RNF213: variants seen among roughly 807,000 people sequenced by gnomAD.
The protein encoded by RNF213 is ring finger protein 213.
Under a neutral mutation model 514.4 loss-of-function variants are expected in RNF213, and 341 were observed. The observed-to-expected ratio is 0.66, with a 90% CI of 0.61 to 0.73. RNF213 has a LOEUF of 0.73. Among genes scored for constraint, RNF213 ranks in the 30% least tolerant of loss-of-function variants. The pLI is 0.00. For missense variants in RNF213, 5,767 were observed against 6,615.6 expected (o/e 0.87, Z 4.45); for synonymous variants, 2,655 against 2,658.2 (o/e 1.00, Z 0.04).
At position 80,347,909 on chromosome 17, in the gene RNF213, T is replaced by C. The variant is rs1054146669; in HGVS notation, c.9574T>C (p.Cys3192Arg). 2 of 1,614,172 alleles carry C rather than the reference T, an allele frequency of 1.2e-6. No individual in the cohort carries two copies. Among genetic ancestry groups the C allele is most frequent in the Non-Finnish European group, 1.7e-6 (2 of 1,180,004 alleles). ...KWQKSIVEEL[C>R]AWVEKFINVK... ...GCAGAAGAGCATCGTGGAGGAGCTCTGTGCGTGGGTGGAGAAGTTCATCAA... is the reference window on the plus strand; with the variant it reads ...GCAGAAGAGCATCGTGGAGGAGCTCCGTGCGTGGGTGGAGAAGTTCATCAA... The change falls in exon 29 of 68, where the codon TGT becomes CGT. Residue 3192 changes from cysteine to arginine, a missense_variant. Cys to Arg is a radical substitution (Grantham distance 180). Coordinates refer to ENST00000582970, the MANE Select transcript of RNF213 (RefSeq NM_001256071.3). This position sits in a 1 kb window ranked among gnomAD's most constrained non-coding sequence, Gnocchi z 7.2.
In RNF213 at chr17:80,337,725, AG is replaced by A. The variant is rs1330820095; in HGVS notation, c.4668+1del. 1 of 1,537,290 alleles carries A rather than the reference AG, an allele frequency of 6.5e-7. No individual in the cohort carries two copies. The highest frequency in any genetic ancestry group is 2.4e-5 in the East Asian group (1 of 40,920). On this transcript the variant is annotated frameshift_variant and splice_region_variant, in exon 24 of 68. Coordinates refer to ENST00000582970, the MANE Select transcript of RNF213 (RefSeq NM_001256071.3). LOFTEE classifies it high-confidence loss of function. ...ATCCAGGCGCCCAAAGGTGGCCAAA[AG>A]GTGAGCGGTCCCCAGCCCTCGGCGC... ...YVIQAPKGGQKISPDTVLHLI... is the reference protein window; with the variant it reads ...YVIQAPKGGQXISPDTVLHLI...
intron 9 of RNF213, 141 bp from the exon 10 acceptor site, chr17:80,295,416 G>C (rs1274440008): frequency 9.3e-7 from 1 of 1,072,222 alleles, no homozygotes; most frequent in Non-Finnish European, 1.4e-6. Context: ...CTGCACTGCA[G>C]CTCCTCCTGT....
chr17:80,263,492 A>C lies in RNF213; in HGVS notation c.-108-82A>C. 1 of 584,908 alleles carries C rather than the reference A, an allele frequency of 1.7e-6. No individual in the cohort carries two copies. The allele number at this position is 584,908 out of a possible 1,614,324, so 36.2% of individuals were successfully genotyped here. ...GCCAAGGGGGCAGCACAGAGCGGGG[A>C]GGGGCTGGGCTTGGGCTGTGCTCCT... On this transcript the variant is annotated intron_variant, in intron 1 of 67. Transcript: ENST00000582970. The surrounding 1 kb of genome is among the most constrained non-coding windows in gnomAD (Gnocchi z 4.9).
chr17:80,381,038 C>G, intron 56 of RNF213, 51 bp downstream of exon 56: 1 of 1,596,524 alleles, frequency 6.3e-7, no homozygotes, highest in Non-Finnish European at 8.6e-7. Flanking sequence ...CCTGCTTTCG[C>G]TTCTTCCCAG....
In RNF213 at chr17:80,395,057, A is replaced by G. The variant is rs2080623792; in HGVS notation, c.*1559A>G. 1 of 151,804 alleles carries G rather than the reference A, an allele frequency of 6.6e-6. No homozygotes were observed. Among genetic ancestry groups the G allele is most frequent in the South Asian group, 2.1e-4 (1 of 4,802 alleles). 9.4% of individuals were successfully genotyped at this position (151,804 alleles called of 1,614,324 possible). On this transcript the variant is annotated 3_prime_UTR_variant, in exon 68 of 68. Transcript: ENST00000582970. ...CCAGACTCACTGGCCACACCTCAGCAGGGGGGGAGTCGAGTGTCAGTCTCT... is the reference window on the plus strand; with the variant it reads ...CCAGACTCACTGGCCACACCTCAGCGGGGGGGGAGTCGAGTGTCAGTCTCT...
rs1243531008 is a variant in RNF213, at chr17:80,397,879, G to A, written c.*4381G>A. ...TGCCCTGTGGAGCATCCCTGTGGAG[G>A]ACTCCAGCCAGCTTGAGCGACATGG... On this transcript the variant is annotated 3_prime_UTR_variant, in exon 68 of 68. Coordinates refer to ENST00000582970, the MANE Select transcript of RNF213 (RefSeq NM_001256071.3). 3 of 147,666 alleles carry A rather than the reference G, an allele frequency of 2.0e-5. No homozygotes were observed. The East Asian group carries it at 6.0e-4, about 30-fold the overall frequency. The allele number at this position is 147,666 out of a possible 1,614,324, so 9.1% of individuals were successfully genotyped here.
chr17:80,340,609 GTTTTTTTTTTTTTTTTTTTT>G (rs747785477), intron 26 of RNF213: 2 of 121,938 alleles, frequency 1.6e-5, no homozygotes, highest in African/African-American at 1.2e-4. Flanking sequence ...GTACTTTGTG[GTTTTTTTTTTTTTTTTTTTT>G]TTTTTTTTTG....
chr17:80,384,326 G>A (rs573616031), intron 59 of RNF213, among the ~76,000 whole-genome samples: 28 of 152,328 alleles, frequency 1.8e-4, no homozygotes, highest in African/African-American at 6.0e-4. Context: ...GCATCGAGGC[G>A]TACGTGGAAG....
At chr17:80,349,020 C>A (rs7224493) in intron 29 of RNF213, among the ~76,000 whole-genome samples, 1 of 152,014 alleles carries the variant, frequency 6.6e-6, no homozygotes, top group East Asian at 1.9e-4. Flanking sequence ...CCGCTGGAAC[C>A]GTACAAAGGA....
In RNF213 at chr17:80,288,948, G is replaced by A. The variant is rs925242879; in HGVS notation, c.933+193G>A. ...AACCGACTTCAGCGGTGAGAAGAGC[G>A]TGGAGGGAGGGAGAGAGGGCACCCA... On this transcript the variant is annotated intron_variant, in intron 5 of 67. Coordinates refer to ENST00000582970, the MANE Select transcript of RNF213 (RefSeq NM_001256071.3). The surrounding 1 kb of genome is among the most constrained non-coding windows in gnomAD (Gnocchi z 4.9). Among the ~76,000 whole-genome samples, 4 of 152,250 alleles carry A rather than the reference G, an allele frequency of 2.6e-5. No homozygotes were observed. The highest frequency in any genetic ancestry group is 9.6e-5 in the African/African-American group (4 of 41,470).
chr17:80,304,810 C>T (rs1006398721), intron 11 of RNF213, among the ~76,000 whole-genome samples: 1 of 152,148 alleles, frequency 6.6e-6, no homozygotes, highest in Non-Finnish European at 1.5e-5. Flanking sequence ...CCGTCAGCAC[C>T]ATCCACCTCC....
At chr17:80,388,970 C>G (rs184653933) in intron 64 of RNF213, 2 of 627,800 alleles carry the variant, frequency 3.2e-6, no homozygotes, top group Non-Finnish European at 5.7e-6. Context: ...TCCTGCTCTC[C>G]GCATGCGGGT....
At chr17:80,338,587 C>T (rs1038102660) in intron 25 of RNF213, among the ~76,000 whole-genome samples, 7 of 151,676 alleles carry the variant, frequency 4.6e-5, no homozygotes, top group Admixed American at 3.9e-4. Context: ...AGTTCATGAC[C>T]AGCCTGGGCA....
At chr17:80,295,232 C>A (rs1239765806) in intron 9 of RNF213, among the ~76,000 whole-genome samples, 5 of 152,212 alleles carry the variant, frequency 3.3e-5, no homozygotes, top group Non-Finnish European at 7.3e-5. Context: ...CTGAGTCCTC[C>A]CCTGGCCTTG....
Position 80,353,007 on chromosome 17 carries a change from G to T in RNF213, c.10371G>T (p.Arg3457Ser), listed in dbSNP as rs775844219. 1.2e-6 allele frequency: 2 copies of T among 1,613,790 alleles called. No homozygotes were observed. The highest frequency in any genetic ancestry group is 1.7e-6 in the Non-Finnish European group (2 of 1,180,036). ...RSTLMVSDVT[R>S]LQHVTISQLF... The stretch of plus-strand genomic sequence containing the variant: ...CCCTCATGGTTTCTGATGTGACCAG[G>T]CTGCAGCATGTCACCATCAGCCAGC... The change falls in exon 33 of 68, where the codon AGG (arginine) becomes AGT (serine). Residue 3457 changes from arginine (R) to serine (S), a missense_variant. Physicochemically the swap from Arg to Ser is moderately radical, Grantham distance 110 (BLOSUM62 -1). This residue lies in a region of RNF213 where 919 missense variants were observed against 1,121.0 expected (regional missense o/e 0.82). Transcript: ENST00000582970. This position sits in a 1 kb window ranked among gnomAD's most constrained non-coding sequence, Gnocchi z 5.0.
At chr17:80,276,896 C>CA (rs202223629) in intron 3 of RNF213, among the ~76,000 whole-genome samples, 1,788 of 144,604 alleles carry the variant, frequency 0.012, 27 homozygotes, top group African/African-American at 0.042. Context: ...ACTAAAAATA[C>CA]AAAAAAAAAA....
chr17:80,298,677 A>G (rs1407261074), intron 11 of RNF213, 159 bp downstream of exon 11: 6 of 819,536 alleles, frequency 7.3e-6, no homozygotes, highest in Middle Eastern at 3.1e-4. Context: ...AAAACTGTCA[A>G]GAATAGGCTG....
At position 80,363,099 on chromosome 17, in the gene RNF213, C is replaced by T. The variant is rs373736060; in HGVS notation, c.11356-3C>T. 5.6e-6 allele frequency: 9 copies of T among 1,613,258 alleles called. No individual in the cohort carries two copies. Among genetic ancestry groups the T allele is most frequent in the Non-Finnish European group, 7.6e-6 (9 of 1,179,294 alleles). On this transcript the variant is annotated splice_region_variant and splice_polypyrimidine_tract_variant and intron_variant, in intron 39 of 67. Coordinates refer to ENST00000582970, the MANE Select transcript of RNF213 (RefSeq NM_001256071.3). ...ATATTCTAAAAGCTTTTTTGAATCC[C>T]AGTTTCTGCAGATGGCTCTGTGGTC...
At chr17:80,301,512 A>G (rs1037966387) in intron 11 of RNF213, among the ~76,000 whole-genome samples, 2 of 152,244 alleles carry the variant, frequency 1.3e-5, no homozygotes, top group African/African-American at 4.8e-5. Flanking sequence ...TCTAAAAAGA[A>G]GACACACAAA....
Sources: gnomAD v4.1 joint callset for allele counts (sites outside exome capture counted in the v4.1 genomes callset) on GRCh38, gnomAD v4.1.1 for gene constraint, gnomAD v4.1.1 regional missense constraint, Gnocchi (gnomAD v3.1) non-coding constraint, MANE v1.5 for transcripts, NCBI Gene and HGNC (gene_info 2026-07-23, HGNC 2026-07-21) for gene names.